Variants in ADAM10 observed in about 807,000 individuals in gnomAD.
The protein encoded by ADAM10 is disintegrin and metalloproteinase domain-containing protein 10.
In ADAM10, 17 loss-of-function variants were observed where a neutral mutation model predicts 90.1. The ratio of observed to expected loss-of-function variants is 0.19; its 90% CI spans 0.13 to 0.28. ADAM10 has a LOEUF of 0.28. Among genes scored for constraint, ADAM10 ranks in the 10% least tolerant of loss-of-function variants. The pLI is 1.00. For synonymous variants in ADAM10, 310 were observed against 298.6 expected (o/e 1.04, Z -0.40); for missense variants, 610 against 914.3 (o/e 0.67, Z 4.29).
chr15:58,624,547 T>C (rs1465444775), intron 10 of ADAM10, among the ~76,000 whole-genome samples: 2 of 152,200 alleles, frequency 1.3e-5, no homozygotes, highest in Admixed American at 1.3e-4. Flanking sequence ...TGTTTGTTTG[T>C]CTGAGACAGA....
At chr15:58,621,676 T>TA in intron 10 of ADAM10, 55 bp from the exon 11 acceptor site, 1 of 1,599,732 alleles carries the variant, frequency 6.3e-7, no homozygotes, top group Non-Finnish European at 8.5e-7. Flanking sequence ...TAATTTTATT[T>TA]AAAATTCACA....
intron 1 of ADAM10, among the ~76,000 whole-genome samples, chr15:58,739,813 A>T (rs1421858530): frequency 6.6e-6 from 1 of 152,240 alleles, no homozygotes; most frequent in African/African-American, 2.4e-5. Context: ...ATTCAGTTTC[A>T]TGTAATGAGA....
At chr15:58,692,959 C>G in intron 2 of ADAM10, 1 of 734,644 alleles carries the variant, frequency 1.4e-6, no homozygotes, top group South Asian at 1.3e-5. Flanking sequence ...GATGCATTCC[C>G]GAGGGTTGGG....
At chr15:58,682,344 C>G (rs758249213) in intron 2 of ADAM10, 30 bp from the exon 3 acceptor site, 17 of 1,599,450 alleles carry the variant, frequency 1.1e-5, no homozygotes, top group South Asian at 3.4e-5. Flanking sequence ...GGGGGAACAA[C>G]TGAAATTAAA....
intron 2 of ADAM10, among the ~76,000 whole-genome samples, chr15:58,701,994 T>C (rs1898147761): frequency 1.3e-5 from 2 of 152,062 alleles, no homozygotes; most frequent in South Asian, 4.2e-4. Context: ...TAATCCCAGC[T>C]ACTCAGGAGG....
chr15:58,700,811 T>TC (rs1898110161), intron 2 of ADAM10, among the ~76,000 whole-genome samples: 1 of 151,764 alleles, frequency 6.6e-6, no homozygotes, highest in Non-Finnish European at 1.5e-5. Context: ...GGCTAGGAGT[T>TC]CGAGACCAGC....
chr15:58,619,263 T>C (rs1320634817), intron 11 of ADAM10, among the ~76,000 whole-genome samples: 1 of 152,206 alleles, frequency 6.6e-6, no homozygotes, highest in Non-Finnish European at 1.5e-5. Flanking sequence ...GTTACTCATA[T>C]GTGAGAGCAA....
chr15:58,647,405 C>T (rs1021982324), intron 5 of ADAM10, among the ~76,000 whole-genome samples: 31 of 151,328 alleles, frequency 2.0e-4, no homozygotes, highest in African/African-American at 7.3e-4. Flanking sequence ...GGACTACCGG[C>T]GCCTGCCACC....
At chr15:58,646,804 C>G (rs1349561479) in intron 5 of ADAM10, among the ~76,000 whole-genome samples, 1 of 152,224 alleles carries the variant, frequency 6.6e-6, no homozygotes, top group Non-Finnish European at 1.5e-5. Context: ...ATATGCTCCC[C>G]TAAATATCAA....
rs201721572 is a variant in ADAM10 at position 58,627,930 on chromosome 15, T to C, written c.1177-47A>G. On this transcript the variant is annotated intron_variant, in intron 9 of 15. Coordinates refer to ENST00000260408, the MANE Select transcript of ADAM10 (RefSeq NM_001110.4). ...TACATAAACAGGAAGTAAAATAAGG[T>C]TTTCAGGTCAACTGATTAAACGTAA... 5.7e-6 allele frequency: 9 copies of C among 1,576,616 alleles called. No homozygotes were observed. The East Asian group carries it at 6.7e-5, about 12-fold the overall frequency.
chr15:58,741,388 A>G (rs1483445498), intron 1 of ADAM10, among the ~76,000 whole-genome samples: 1 of 152,186 alleles, frequency 6.6e-6, no homozygotes, highest in African/African-American at 2.4e-5. Context: ...AATTCACTAA[A>G]CTTCTATAAT....
At chr15:58,662,884 C>T (rs1184643835) in intron 5 of ADAM10, among the ~76,000 whole-genome samples, 1 of 152,192 alleles carries the variant, frequency 6.6e-6, no homozygotes, top group African/African-American at 2.4e-5. Flanking sequence ...TTAATTCTAA[C>T]TCTTCAACTC....
intron 2 of ADAM10, among the ~76,000 whole-genome samples, chr15:58,690,058 T>C (rs1566996290): frequency 1.3e-5 from 2 of 150,252 alleles, no homozygotes; most frequent in Non-Finnish European, 1.5e-5. Flanking sequence ...CAATACATCA[T>C]AAGCAAATGA....
At chr15:58,616,703 A>G (rs1258451003) in intron 11 of ADAM10, among the ~76,000 whole-genome samples, 1 of 152,186 alleles carries the variant, frequency 6.6e-6, no homozygotes, top group African/African-American at 2.4e-5. Flanking sequence ...ACAACCTAAC[A>G]ATGCACCTCA....
chr15:58,718,310 C>T (rs536867500), intron 1 of ADAM10, among the ~76,000 whole-genome samples: 1 of 152,064 alleles, frequency 6.6e-6, no homozygotes, highest in South Asian at 2.1e-4. Context: ...GATTTTTGAA[C>T]GTTAAGCCAA....
Position 58,739,205 on chromosome 15 carries a change from T to G in ADAM10, c.55+10275A>C, listed in dbSNP as rs575559924. 1.5e-4 allele frequency among the ~76,000 whole-genome samples: 23 copies of G among 152,208 alleles called. No individual in the cohort carries two copies. The East Asian group carries it at 2.9e-3, about 19-fold the overall frequency. On this transcript the variant is annotated intron_variant, in intron 1 of 15. Coordinates refer to ENST00000260408, the MANE Select transcript of ADAM10 (RefSeq NM_001110.4). Reference sequence around the variant, plus strand: ...GAATTTTATGGGCTACCAAGAAAATTTATAAATTCTTAAATTTTGGGCCGG... The same window carrying G: ...GAATTTTATGGGCTACCAAGAAAATGTATAAATTCTTAAATTTTGGGCCGG...
intron 4 of ADAM10, among the ~76,000 whole-genome samples, chr15:58,667,061 G>C (rs919352300): frequency 6.6e-6 from 1 of 152,044 alleles, no homozygotes; most frequent in Non-Finnish European, 1.5e-5. Flanking sequence ...TTCAACTAAT[G>C]AATAAGCCCT....
chr15:58,725,209 AT>A (rs1898990602), intron 1 of ADAM10, among the ~76,000 whole-genome samples: 1 of 151,954 alleles, frequency 6.6e-6, no homozygotes, highest in Non-Finnish European at 1.5e-5. Context: ...AAATAAATAA[AT>A]AAATCGTATT....
chr15:58,656,813 T>C (rs1896840460), intron 5 of ADAM10, among the ~76,000 whole-genome samples: 1 of 152,228 alleles, frequency 6.6e-6, no homozygotes, highest in African/African-American at 2.4e-5. Context: ...TAATTTCTTA[T>C]TGCTCATTCA....
Sources: gnomAD v4.1 joint callset for allele counts (sites outside exome capture counted in the v4.1 genomes callset) on GRCh38, gnomAD v4.1.1 for gene constraint, MANE v1.5 for transcripts, NCBI Gene and HGNC (gene_info 2026-07-23, HGNC 2026-07-21) for gene names.